TSC2: variants seen among roughly 807,000 people sequenced by gnomAD.
TSC2 encodes tuberin.
A neutral mutation model predicts 202.2 loss-of-function variants in TSC2; 29 were observed. The observed-to-expected ratio is 0.14, with a 90% CI of 0.11 to 0.20. The LOEUF is 0.20. Ranked by LOEUF, TSC2 falls within the 10% of genes least tolerant of loss-of-function variation. The pLI is 1.00. For missense variants in TSC2, 2,429 were observed against 2,420.0 expected (o/e 1.00, Z -0.08); for synonymous variants, 1,349 against 1,044.0 (o/e 1.29, Z -5.63).
At chr16:2,059,065 A>T (rs1224419354) in intron 10 of TSC2, among the ~76,000 whole-genome samples, 192 bp downstream of exon 10, 2 of 145,012 alleles carry the variant, frequency 1.4e-5, no homozygotes, top group Admixed American at 6.9e-5. Flanking sequence ...TTTTTTTGAG[A>T]AGGAGTTCTG....
chr16:2,067,455 C>A (rs889569760), intron 16 of TSC2, among the ~76,000 whole-genome samples: 30 of 151,666 alleles, frequency 2.0e-4, no homozygotes, highest in South Asian at 2.1e-4. Flanking sequence ...AGCCACCACA[C>A]CTGGCCGTGG....
At chr16:2,058,659 T>A (rs940501205) in intron 9 of TSC2, 88 bp from the exon 10 acceptor site, 1 of 1,536,650 alleles carries the variant, frequency 6.5e-7, no homozygotes, top group Non-Finnish European at 8.7e-7. Context: ...CTGGGGCTGC[T>A]GCAGGAGCCT....
chr16:2,086,048 C>T, intron 36 of TSC2, 145 bp from the exon 37 acceptor site: 1 of 936,078 alleles, frequency 1.1e-6, no homozygotes, highest in Admixed American at 2.0e-5. Context: ...GATGTCTGGC[C>T]TGGGTGGCTG....
At chr16:2,053,628 T>G (rs2085400323) in intron 4 of TSC2, 176 bp downstream of exon 4, 1 of 711,012 alleles carries the variant, frequency 1.4e-6, no homozygotes, top group African/African-American at 1.7e-5. Context: ...GAGGTCTGTG[T>G]GACCGTAGGC....
At chr16:2,063,224 G>T in intron 14 of TSC2, 171 bp downstream of exon 14, 5 of 806,456 alleles carry the variant, frequency 6.2e-6, no homozygotes, top group Non-Finnish European at 1.0e-5. Context: ...TCACTGGCTT[G>T]CTCGTCCTGG....
At chr16:2,087,641 C>G (rs1261060843) in intron 38 of TSC2, among the ~76,000 whole-genome samples, 2 of 152,172 alleles carry the variant, frequency 1.3e-5, no homozygotes, top group Non-Finnish European at 2.9e-5. Context: ...TTAGAGGTGT[C>G]TTGCCTGTGG....
chr16:2,072,276 C>T lies in TSC2; in HGVS notation c.2133C>T (p.Gly711=), dbSNP rs1060500915. 1 of 1,614,120 alleles carries T rather than the reference C, an allele frequency of 6.2e-7. No homozygotes were observed. Among genetic ancestry groups the T allele is most frequent in the Non-Finnish European group, 8.5e-7 (1 of 1,180,048 alleles). The change falls in exon 20 of 42, where the codon GGC becomes GGT. Residue 711 remains glycine (G), a synonymous_variant. Coordinates refer to ENST00000219476, the MANE Select transcript of TSC2 (RefSeq NM_000548.5). ...SDWKVLKLVL[G]RLPESLRYKV... ...GGAAGGTGCTGAAGCTGGTTCTGGG[C>T]AGGCTGCCTGAGTCCCTGCGCTATA...
Position 2,086,733 on chromosome 16 carries a change from C to T in TSC2, c.4851C>T (p.Ala1617=), listed in dbSNP as rs556045045. Residue 1617 remains alanine, a splice_region_variant and synonymous_variant, in exon 38 of 42, where the codon GCC becomes GCT. Coordinates refer to ENST00000219476, the MANE Select transcript of TSC2 (RefSeq NM_000548.5). The part of the protein sequence containing the change: ...TYCWHDDIMQ[A]VFHIATLMPT... ...CCATCCGGCCCTGCTCACCCTCAGC[C>T]GTCTTCCACATCGCCACCCTGATGC... The T allele has an allele frequency of 2.4e-5, 39 of 1,610,014 alleles. No homozygotes were observed. Among genetic ancestry groups the T allele is most frequent in the African/African-American group, 2.0e-4 (15 of 75,004 alleles).
In TSC2 at chr16:2,088,101, C is replaced by T. The variant is rs1168265181; in HGVS notation, c.5122C>T (p.Leu1708=). The T allele has an allele frequency of 6.2e-6, 10 of 1,612,838 alleles. No individual in the cohort carries two copies. In the African/African-American group the frequency reaches 9.3e-5, roughly 15 times the overall value. Residue 1708 remains leucine (L), a synonymous_variant, in exon 40 of 42, where the codon CTG becomes TTG. Transcript: ENST00000219476. The part of the protein sequence containing the change: ...SVAKIVSDRN[L]PFVARQMALH... ...GGCCAAGATCGTGTCTGACCGCAAC[C>T]TGCCCTTCGTGGCCCGCCAGATGGC...
At position 2,056,796 on chromosome 16, in the gene TSC2, G is replaced by A. The variant is rs777346750; in HGVS notation, c.774+27G>A. On this transcript the variant is annotated intron_variant, in intron 8 of 41. Coordinates refer to ENST00000219476, the MANE Select transcript of TSC2 (RefSeq NM_000548.5). Reference sequence around the variant, plus strand: ...TGGGGTTTCTGAAACTGCTCTGGAAGGTTCCTGAGAGCACATGGATGGGAC... The same window carrying A: ...TGGGGTTTCTGAAACTGCTCTGGAAAGTTCCTGAGAGCACATGGATGGGAC... The A allele has an allele frequency of 1.2e-5, 20 of 1,603,972 alleles. No individual in the cohort carries two copies. In the Middle Eastern group the frequency reaches 1.2e-3, roughly 93 times the overall value.
intron 10 of TSC2, among the ~76,000 whole-genome samples, chr16:2,060,377 T>G (rs2086478966): frequency 6.6e-6 from 1 of 152,154 alleles, no homozygotes; most frequent in Admixed American, 6.5e-5. Flanking sequence ...CAGGGCAGCT[T>G]TCAGTTGCTG....
intron 32 of TSC2, chr16:2,082,870 G>A: frequency 2.4e-6 from 1 of 414,572 alleles, no homozygotes; most frequent in Non-Finnish European, 4.6e-6. Flanking sequence ...AGCGGGCCTT[G>A]CCCTGGCCTT....
At position 2,088,478 on chromosome 16, in the gene TSC2, C is replaced by G. The variant is rs769507440; in HGVS notation, c.5292C>G (p.Ser1764Arg). 1 of 1,612,932 alleles carries G rather than the reference C, an allele frequency of 6.2e-7. No homozygotes were observed. The highest frequency in any genetic ancestry group is 1.7e-5 in the Admixed American group (1 of 60,026). Residue 1764 changes from serine (S) to arginine (R), a missense_variant, in exon 42 of 42, where the codon AGC becomes AGG. Physicochemically the swap from Ser to Arg is moderately radical, Grantham distance 110. Coordinates refer to ENST00000219476, the MANE Select transcript of TSC2 (RefSeq NM_000548.5). ...ICEEAAYSNP[S>R]LPLVHPPSHS... ...AGGAAGCCGCCTACTCCAACCCCAG[C>G]CTACCTCTGGTGCACCCTCCGTCCC... is the stretch of plus-strand genomic sequence containing the variant.
At chr16:2,078,692 G>A (rs566041511) in intron 26 of TSC2, 1 of 402,492 alleles carries the variant, frequency 2.5e-6, no homozygotes, top group African/African-American at 2.0e-5. Flanking sequence ...ATCTGGGCCT[G>A]TCTGTGTGGC....
Position 2,064,314 on chromosome 16 carries a change from A to C in TSC2, c.1486A>C (p.Ile496Leu), listed in dbSNP as rs1211121251. The change falls in exon 15 of 42, where the codon ATC becomes CTC. Residue 496 changes from isoleucine (I) to leucine (L), a missense_variant. Coordinates refer to ENST00000219476, the MANE Select transcript of TSC2 (RefSeq NM_000548.5). ...AGTGGTCATCTCGCAGCTCTCCCACATCCCCGAGGATAAAGACCACCAGGT... is the reference window on the plus strand; with the variant it reads ...AGTGGTCATCTCGCAGCTCTCCCACCTCCCCGAGGATAAAGACCACCAGGT... Reference protein sequence around the residue: ...NSVVISQLSHIPEDKDHQVRK... With the variant: ...NSVVISQLSHLPEDKDHQVRK... The C allele has an allele frequency of 6.2e-7, 1 of 1,613,872 alleles. No individual in the cohort carries two copies.
chr16:2,054,641 C>A (rs758458784), intron 5 of TSC2: 3 of 721,972 alleles, frequency 4.2e-6, no homozygotes, highest in Non-Finnish European at 7.0e-6. Flanking sequence ...GAGTCCTGGC[C>A]TTCACCCCAG....
intron 20 of TSC2, 61 bp from the exon 21 acceptor site, chr16:2,072,788 C>T (rs1237716325): frequency 2.5e-6 from 4 of 1,611,778 alleles, no homozygotes; most frequent in African/African-American, 1.3e-5. Flanking sequence ...TCCCCAGCCC[C>T]TCTGGCTACC....
Position 2,062,991 on chromosome 16 carries a change from G to T in TSC2, c.1381G>T (p.Val461Leu). ...RFFRSESRGAVRIKVLDVLSF... is the reference protein window; with the variant it reads ...RFFRSESRGALRIKVLDVLSF... ...CCGCAGGAGCGAGTCCCGAGGCGCC[G>T]TGCGCATCAAGGTGCTGGACGTGCT... Residue 461 changes from valine to leucine, a missense_variant, in exon 14 of 42, where the codon GTG becomes TTG. Physicochemically the swap from Val to Leu is conservative, Grantham distance 32. Transcript: ENST00000219476. 1 of 1,551,084 alleles carries T rather than the reference G, an allele frequency of 6.4e-7. No individual in the cohort carries two copies. Among genetic ancestry groups the T allele is most frequent in the Non-Finnish European group, 8.7e-7 (1 of 1,146,852 alleles).
chr16:2,061,117 C>G (rs374861997), intron 11 of TSC2: 1 of 443,498 alleles, frequency 2.3e-6, no homozygotes, highest in Non-Finnish European at 4.2e-6. Context: ...GAGTGGGCCC[C>G]GGCACAGTTC....
Sources: gnomAD v4.1 joint callset for allele counts (sites outside exome capture counted in the v4.1 genomes callset) on GRCh38, gnomAD v4.1.1 for gene constraint, MANE v1.5 for transcripts, NCBI Gene and HGNC (gene_info 2026-07-23, HGNC 2026-07-21) for gene names.